The following MYH10 variants were observed in gnomAD, a reference collection of about 807,000 sequenced individuals.
MYH10 encodes myosin heavy chain 10, also known as myosin-10.
A neutral mutation model predicts 257.8 loss-of-function variants in MYH10; 55 were observed. That is an observed-to-expected ratio of 0.21 (90% CI 0.17 to 0.27). The LOEUF (loss-of-function observed/expected upper bound fraction) is 0.27. MYH10 is among the 10% of genes least tolerant of loss of function. MYH10 has a pLI of 1.00. For synonymous variants in MYH10, 854 were observed against 921.7 expected (o/e 0.93, Z 1.33); for missense variants, 1,631 against 2,500.6 (o/e 0.65, Z 7.42).
At position 8,506,063 on chromosome 17, in the gene MYH10, C is replaced by T; in HGVS notation, c.3386+255G>A. The T allele has an allele frequency of 5.0e-6, 2 of 400,788 alleles. No homozygotes were observed. Among genetic ancestry groups the T allele is most frequent in the Non-Finnish European group, 4.4e-6 (1 of 229,862 alleles). The allele number at this position is 400,788 out of a possible 1,614,324, so 24.8% of individuals were successfully genotyped here. ...ATTTGTTATAGTGAAATAATTTGTT[C>T]TGGTGTGAATTTCCAAGGGTTTCAT... On this transcript the variant is annotated intron_variant, in intron 27 of 42. Coordinates refer to ENST00000360416, the MANE Select transcript of MYH10 (RefSeq NM_001256012.3). This position sits in a 1 kb window ranked among gnomAD's most constrained non-coding sequence, Gnocchi z 5.0.
Position 8,545,740 on chromosome 17 carries a change from A to C in MYH10, c.1279-140T>G. 1 of 776,588 alleles carries C rather than the reference A, an allele frequency of 1.3e-6. No individual in the cohort carries two copies. The highest frequency in any genetic ancestry group is 1.9e-5 in the South Asian group (1 of 52,344). The allele number at this position is 776,588 out of a possible 1,614,324, so 48.1% of individuals were successfully genotyped here. On this transcript the variant is annotated intron_variant, in intron 12 of 42. Coordinates refer to ENST00000360416, the MANE Select transcript of MYH10 (RefSeq NM_001256012.3). The surrounding 1 kb of genome is among the most constrained non-coding windows in gnomAD (Gnocchi z 4.7). ...CTGCTTAATCATGTCTCAATTTTAC[A>C]CATCAATAGAAGGCAATATTAGAAG...
Position 8,480,587 on chromosome 17 carries a change from G to T in MYH10, c.5265-62C>A, listed in dbSNP as rs571577197. 1.9e-6 allele frequency: 3 copies of T among 1,590,244 alleles called. No individual in the cohort carries two copies. The East Asian group carries it at 6.7e-5, about 36-fold the overall frequency. ...GCTCAGCACAGCACAGGAGCCTCAG[G>T]GAAGGCTCCTCCACCCACCCTGTTG... On this transcript the variant is annotated intron_variant, in intron 38 of 42. Transcript: ENST00000360416.
intron 37 of MYH10, 147 bp downstream of exon 37, chr17:8,483,991 T>C (rs912330799): frequency 6.2e-6 from 4 of 641,544 alleles, no homozygotes; most frequent in African/African-American, 1.9e-5. Context: ...TTGAGGACCA[T>C]ATTAAAAATG....
chr17:8,485,777 C>G (rs1163004236), intron 36 of MYH10, among the ~76,000 whole-genome samples: 2 of 152,144 alleles, frequency 1.3e-5, no homozygotes, highest in Non-Finnish European at 2.9e-5. Flanking sequence ...GGCAGTTCCT[C>G]AAAGTTAAAC....
chr17:8,529,439 C>T (rs942298625), intron 17 of MYH10, among the ~76,000 whole-genome samples: 2 of 152,214 alleles, frequency 1.3e-5, no homozygotes, highest in Non-Finnish European at 2.9e-5. Context: ...CAAGCACTAA[C>T]CTTTAATAAA....
At chr17:8,521,322 A>G (rs759822851) in intron 17 of MYH10, 37 bp from the exon 18 acceptor site, 1 of 1,591,984 alleles carries the variant, frequency 6.3e-7, no homozygotes. Flanking sequence ...TATAAGCCAA[A>G]CCTCACTCGT....
intron 35 of MYH10, 129 bp from the exon 36 acceptor site, chr17:8,487,723 C>T: frequency 9.4e-7 from 1 of 1,059,034 alleles, no homozygotes; most frequent in South Asian, 1.5e-5. Context: ...GTAGAGGTCT[C>T]TGTTACCAAA....
At position 8,492,413 on chromosome 17, in the gene MYH10, G is replaced by A; in HGVS notation, c.4555C>T (p.Leu1519=). 1 of 1,613,446 alleles carries A rather than the reference G, an allele frequency of 6.2e-7. No individual in the cohort carries two copies. The highest frequency in any genetic ancestry group is 2.2e-5 in the East Asian group (1 of 44,876). The change falls in exon 34 of 43, where the codon CTG becomes TTG. Residue 1519 remains leucine (L), a synonymous_variant. Coordinates refer to ENST00000360416, the MANE Select transcript of MYH10 (RefSeq NM_001256012.3). ...AREKETKALS[L]ARALEEALEA... is the part of the protein sequence containing the mutation. The stretch of plus-strand genomic sequence containing the variant: ...AGGGCTTCCTCGAGGGCCCGGGCCA[G>A]TGACAGGGCTTTGGTTTCTTTCTCT...
intron 2 of MYH10, among the ~76,000 whole-genome samples, chr17:8,606,197 A>ACC (rs71312964): frequency 0.31 from 47,336 of 152,006 alleles, 7,417 homozygotes; most frequent in Admixed American, 0.38. Flanking sequence ...CAATACTATC[A>ACC]ATTACACAGA....
At position 8,589,105 on chromosome 17, in the gene MYH10, C is replaced by T. The variant is rs1291237756; in HGVS notation, c.506G>A (p.Arg169His). Residue 169 changes from arginine (R) to histidine (H), a missense_variant, in exon 4 of 43, where the codon CGT (arginine) becomes CAT (histidine). By Grantham distance (29) the Arg-to-His change is conservative. Transcript: ENST00000360416. ...CGTGCAAAGAATTGACTGGTCCTCA[C>T]GATCTATAAAACAGAACAAAACAAA... ...ESAYRCMLQDREDQSILCTGE... is the reference protein window; with the variant it reads ...ESAYRCMLQDHEDQSILCTGE... 1.2e-6 allele frequency: 2 copies of T among 1,613,060 alleles called. No individual in the cohort carries two copies. The highest frequency in any genetic ancestry group is 2.2e-5 in the East Asian group (1 of 44,842).
chr17:8,553,766 G>T (rs1305959545), intron 8 of MYH10, among the ~76,000 whole-genome samples, 189 bp downstream of exon 8: 2 of 152,266 alleles, frequency 1.3e-5, no homozygotes, highest in South Asian at 4.1e-4. Context: ...TTATGGCCTG[G>T]TTTTACAAAC....
At chr17:8,605,738 C>T (rs1045272225) in intron 2 of MYH10, among the ~76,000 whole-genome samples, 1 of 152,066 alleles carries the variant, frequency 6.6e-6, no homozygotes, top group African/African-American at 2.4e-5. Flanking sequence ...AAGTGAGACT[C>T]CATCACAAAC....
At chr17:8,541,956 T>C in intron 14 of MYH10, 151 bp downstream of exon 14, 1 of 713,996 alleles carries the variant, frequency 1.4e-6, no homozygotes, top group African/African-American at 1.8e-5. Context: ...ATTCTGTAGC[T>C]ATTTTATCAG....
intron 13 of MYH10, 96 bp from the exon 14 acceptor site, chr17:8,542,376 A>G: frequency 9.6e-7 from 1 of 1,043,172 alleles, no homozygotes; most frequent in Non-Finnish European, 1.4e-6. Flanking sequence ...TTCATTAAAC[A>G]TTACTAATTA....
intron 2 of MYH10, among the ~76,000 whole-genome samples, chr17:8,610,103 C>G (rs1006726307): frequency 6.6e-6 from 1 of 151,698 alleles, no homozygotes; most frequent in Admixed American, 6.6e-5. Context: ...TCCTCATGCA[C>G]AAACCAGGCT....
intron 30 of MYH10, among the ~76,000 whole-genome samples, chr17:8,497,066 G>A (rs1228710901): frequency 6.6e-6 from 1 of 152,166 alleles, no homozygotes; most frequent in East Asian, 1.9e-4. Flanking sequence ...GACTCCGCTG[G>A]GAGAGGACTC....
At chr17:8,602,858 T>C (rs2084662675) in intron 3 of MYH10, among the ~76,000 whole-genome samples, 1 of 152,194 alleles carries the variant, frequency 6.6e-6, no homozygotes, top group African/African-American at 2.4e-5. Context: ...AGCTTGTCAT[T>C]AACTAAATAA....
At chr17:8,618,839 T>C (rs1389730089) in intron 2 of MYH10, among the ~76,000 whole-genome samples, 1 of 152,234 alleles carries the variant, frequency 6.6e-6, no homozygotes, top group Non-Finnish European at 1.5e-5. Context: ...GTCAAGTTCA[T>C]GGTGCTAGAT....
At chr17:8,526,164 CTT>C (rs1379876526) in intron 17 of MYH10, among the ~76,000 whole-genome samples, 2 of 152,128 alleles carry the variant, frequency 1.3e-5, no homozygotes, top group Non-Finnish European at 2.9e-5. Context: ...AAGAGAAACA[CTT>C]TGGGAAATTC....
Sources: gnomAD v4.1 joint callset for allele counts (sites outside exome capture counted in the v4.1 genomes callset) on GRCh38, gnomAD v4.1.1 for gene constraint, Gnocchi (gnomAD v3.1) non-coding constraint, MANE v1.5 for transcripts, NCBI Gene and HGNC (gene_info 2026-07-23, HGNC 2026-07-21) for gene names.